Variants in FBXL5 observed in about 807,000 individuals in gnomAD.
The protein encoded by FBXL5 is F-box and leucine rich repeat protein 5, also known as F-box/LRR-repeat protein 5.
In FBXL5, 26 loss-of-function variants were observed where a neutral mutation model predicts 78.3. The ratio of observed to expected loss-of-function variants is 0.33; its 90% confidence interval spans 0.24 to 0.46. The LOEUF is 0.46. Ranked by LOEUF, FBXL5 falls within the 20% of genes least tolerant of loss-of-function variation. FBXL5 has a pLI of 1.00. For synonymous variants in FBXL5, 295 were observed against 282.5 expected, an observed-to-expected ratio of 1.04 and a Z score of -0.45; for missense variants, 710 against 829.2, an observed-to-expected ratio of 0.86 and a Z score of 1.77.
At chr4:15,641,630 G>T in intron 2 of FBXL5, 1 of 449,324 alleles carries the variant, frequency 2.2e-6, no homozygotes, top group South Asian at 1.6e-5. Context: ...GTAGTAGGCT[G>T]TAAGTAAAGT....
At chr4:15,678,784 G>A (rs910184849) in intron 1 of FBXL5, among the ~76,000 whole-genome samples, 12 of 152,100 alleles carry the variant, frequency 7.9e-5, no homozygotes. Context: ...CATTTTGTTT[G>A]AAATGTCACT....
chr4:15,636,669 T>G lies in FBXL5; in HGVS notation c.591A>C (p.Glu197Asp). 1 of 1,547,650 alleles carries G rather than the reference T, an allele frequency of 6.5e-7. No homozygotes were observed. The highest frequency in any genetic ancestry group is 8.7e-7 in the Non-Finnish European group (1 of 1,144,230). ...SVDEKSDKEA[E>D]VSEHSTGITH... Reference sequence around the variant, plus strand: ...TTATACCTGTGGAGTGTTCTGACACTTCTGCTTCTGAAATAAAAAAGAAAA... The same window carrying G: ...TTATACCTGTGGAGTGTTCTGACACGTCTGCTTCTGAAATAAAAAAGAAAA... The change falls in exon 5 of 11, where the codon GAA (glutamate) becomes GAC (aspartate). Residue 197 changes from glutamate (E) to aspartate (D), a missense_variant. Around this residue, in one of 4 missense-constraint regions of FBXL5, gnomAD observed 517 missense variants for 542.9 expected, o/e 0.95. Coordinates refer to ENST00000341285, the MANE Select transcript of FBXL5 (RefSeq NM_012161.4).
chr4:15,673,104 C>T (rs542384045), intron 1 of FBXL5, among the ~76,000 whole-genome samples: 5 of 152,138 alleles, frequency 3.3e-5, no homozygotes, highest in South Asian at 2.1e-4. Flanking sequence ...AGTTGTTTTA[C>T]GGTTAACTTT....
At position 15,655,288 on chromosome 4, in the gene FBXL5, C is replaced by T. The variant is rs1417603283; in HGVS notation, c.-1G>A. 3.5e-6 allele frequency: 5 copies of T among 1,424,708 alleles called. No homozygotes were observed. Among genetic ancestry groups the T allele is most frequent in the East Asian group, 3.2e-5 (1 of 31,720 alleles). The allele number at this position is 1,424,708 out of a possible 1,614,324, so 88.3% of individuals were successfully genotyped here. A position where few individuals can be genotyped will look rare whatever the true frequency, so the allele number is the denominator to read the frequency against. On this transcript the variant is annotated 5_prime_UTR_variant, in exon 1 of 11. Transcript: ENST00000341285. ...CCACTTCTTCAGGAAAGGGCGCCAT[C>T]GCCACTGCCTCAGCCTCCGCCTCAG... is the stretch of plus-strand genomic sequence containing the variant.
At chr4:15,657,712 T>G (rs1486338716), upstream of FBXL5, among the ~76,000 whole-genome samples, 2 of 152,256 alleles carry the variant, frequency 1.3e-5, no homozygotes, top group African/African-American at 4.8e-5. Context: ...TATGCTGAAT[T>G]ATGTAGCAAT....
chr4:15,636,642 G>A lies in FBXL5; in HGVS notation c.618C>T (p.Thr206=). Residue 206 remains threonine, a synonymous_variant, in exon 5 of 11, where the codon ACC becomes ACT. Coordinates refer to ENST00000341285, the MANE Select transcript of FBXL5 (RefSeq NM_012161.4). ...AEVSEHSTGI[T]HLPPEVMLSI... ...ACAGCATTACCTCAGGAGGAAGATG[G>A]GTTATACCTGTGGAGTGTTCTGACA... 6.2e-7 allele frequency: 1 copy of A among 1,613,214 alleles called. No homozygotes were observed. The highest frequency in any genetic ancestry group is 8.5e-7 in the Non-Finnish European group (1 of 1,179,572).
chr4:15,642,515 G>A (rs550142929), intron 2 of FBXL5, among the ~76,000 whole-genome samples: 2 of 151,962 alleles, frequency 1.3e-5, no homozygotes, highest in African/African-American at 2.4e-5. Flanking sequence ...GAATTACACG[G>A]ATGAGCCACC....
chr4:15,650,812 T>C (rs758981448), intron 1 of FBXL5, among the ~76,000 whole-genome samples: 16 of 151,932 alleles, frequency 1.1e-4, no homozygotes, highest in Non-Finnish European at 2.9e-5. Context: ...TTTGTATTTT[T>C]AGTAGAGATG....
chr4:15,646,207 A>T (rs1272885349), intron 1 of FBXL5, among the ~76,000 whole-genome samples: 3 of 152,230 alleles, frequency 2.0e-5, no homozygotes, highest in Non-Finnish European at 4.4e-5. Context: ...ATAAAACTTT[A>T]TAAACACTGA....
At chr4:15,656,237 A>G, upstream of FBXL5, 1 of 456,204 alleles carries the variant, frequency 2.2e-6, no homozygotes, top group Middle Eastern at 3.3e-4. Context: ...ACCCAGGAAA[A>G]TGTCTGCCTC....
rs1162515938 is a variant in FBXL5, at chr4:15,625,346, A to C, written c.1756T>G (p.Tyr586Asp). 6.2e-7 allele frequency: 1 copy of C among 1,614,220 alleles called. No homozygotes were observed. The highest frequency in any genetic ancestry group is 2.2e-5 in the East Asian group (1 of 44,886). ...TGATCAGATTTTTCACTCCCAAAGT[A>C]AATTAAGTCTTTTCCCCTAGGCAAT... ...TRLPRGKDLI[Y>D]FGSEKSDQET... is the part of the protein sequence containing the mutation. The change falls in exon 9 of 11, where the codon TAC becomes GAC. Residue 586 changes from tyrosine to aspartate, a missense_variant. Physicochemically the swap from Tyr to Asp is radical, Grantham distance 160. Coordinates refer to ENST00000341285, the MANE Select transcript of FBXL5 (RefSeq NM_012161.4).
intron 5 of FBXL5, among the ~76,000 whole-genome samples, chr4:15,632,171 G>A (rs569590801): frequency 7.2e-4 from 110 of 152,230 alleles, no homozygotes; most frequent in African/African-American, 2.6e-3. Context: ...ATTACATAGG[G>A]AATCCTTTCC....
chr4:15,641,217 G>A (rs1714839389), intron 2 of FBXL5, among the ~76,000 whole-genome samples: 1 of 151,888 alleles, frequency 6.6e-6, no homozygotes, highest in African/African-American at 2.4e-5. Flanking sequence ...AAGCCTAATG[G>A]ACTGTATCAT....
At chr4:15,631,232 G>A (rs1406801874) in intron 5 of FBXL5, among the ~76,000 whole-genome samples, 2 of 152,142 alleles carry the variant, frequency 1.3e-5, no homozygotes, top group African/African-American at 2.4e-5. Context: ...CCATGTCCCT[G>A]CAAAGGACAT....
chr4:15,674,656 T>G (rs969085946), intron 1 of FBXL5, among the ~76,000 whole-genome samples: 2 of 147,486 alleles, frequency 1.4e-5, no homozygotes, highest in African/African-American at 4.9e-5. Flanking sequence ...ATTTTTGGGT[T>G]TTTTTTTTTT....
chr4:15,650,048 C>CAGTA (rs950811591), intron 1 of FBXL5, among the ~76,000 whole-genome samples: 1 of 152,164 alleles, frequency 6.6e-6, no homozygotes, highest in Non-Finnish European at 1.5e-5. Flanking sequence ...CTCACCAAGG[C>CAGTA]AGTAATTTTG....
chr4:15,661,626 TG>T (rs760142629), upstream of FBXL5, among the ~76,000 whole-genome samples: 203 of 152,332 alleles, frequency 1.3e-3, no homozygotes, highest in Non-Finnish European at 2.4e-3. Flanking sequence ...TTAAGCAAGA[TG>T]GGGTCTTTTT....
In FBXL5 at chr4:15,625,470, C is replaced by T. The variant is rs143532809; in HGVS notation, c.1632G>A (p.Ala544=). 36 of 1,613,760 alleles carry T rather than the reference C, an allele frequency of 2.2e-5. No individual in the cohort carries two copies. Among genetic ancestry groups the T allele is most frequent in the African/African-American group, 1.3e-4 (10 of 74,914 alleles). Residue 544 remains alanine, a synonymous_variant, in exon 9 of 11, where the codon GCG becomes GCA. Transcript: ENST00000341285. ...TACAACAAAATGAGTGACCACAATACGCAAAGGCTGGAGAAGCACAATGCT... is the reference window on the plus strand; with the variant it reads ...TACAACAAAATGAGTGACCACAATATGCAAAGGCTGGAGAAGCACAATGCT... ...WQQHCASPAF[A]YCGHSFCCTG...
chr4:15,646,929 T>C (rs574149875), intron 1 of FBXL5, among the ~76,000 whole-genome samples: 44 of 151,224 alleles, frequency 2.9e-4, no homozygotes, highest in African/African-American at 1.0e-3. Flanking sequence ...CAACCAACTG[T>C]GGATTGAAAA....
Sources: gnomAD v4.1 joint callset for allele counts (sites outside exome capture counted in the v4.1 genomes callset) on GRCh38, gnomAD v4.1.1 for gene constraint, gnomAD v4.1.1 regional missense constraint, MANE v1.5 for transcripts, NCBI Gene and HGNC (gene_info 2026-07-23, HGNC 2026-07-21) for gene names.